PPP1R1C: variants seen among roughly 807,000 people sequenced by gnomAD.
The protein encoded by PPP1R1C is protein phosphatase 1 regulatory inhibitor subunit 1C.
A neutral mutation model predicts 17.4 loss-of-function variants in PPP1R1C; 15 were observed. The observed-to-expected ratio is 0.86, with a 90% confidence interval of 0.58 to 1.33. PPP1R1C has a LOEUF of 1.33. PPP1R1C is among the 40% of genes most tolerant of loss of function. PPP1R1C has a pLI of 0.00. For synonymous variants in PPP1R1C, 35 were observed against 43.1 expected, an observed-to-expected ratio of 0.81 and a Z score of 0.73; for missense variants, 143 against 130.0, an observed-to-expected ratio of 1.10 and a Z score of -0.48.
At chr2:181,965,761 G>T (rs1414089898) in intron 1 of PPP1R1C, among the ~76,000 whole-genome samples, 2 of 152,058 alleles carry the variant, frequency 1.3e-5, no homozygotes, top group Non-Finnish European at 2.9e-5. Flanking sequence ...TGTTCTTTTT[G>T]CTCGGGATAG....
At chr2:181,956,806 T>C (rs1305903439) in intron 1 of PPP1R1C, among the ~76,000 whole-genome samples, 1 of 152,204 alleles carries the variant, frequency 6.6e-6, no homozygotes, top group East Asian at 1.9e-4. Context: ...TTTGCATGTG[T>C]TTAAAAAATG....
At chr2:181,968,061 T>C (rs905792696) in intron 1 of PPP1R1C, among the ~76,000 whole-genome samples, 1 of 152,224 alleles carries the variant, frequency 6.6e-6, no homozygotes, top group African/African-American at 2.4e-5. Context: ...AGAAAATACT[T>C]GATATGATTC....
intron 4 of PPP1R1C, among the ~76,000 whole-genome samples, chr2:182,111,133 T>G (rs75628899): frequency 0.017 from 2,525 of 152,338 alleles, 36 homozygotes; most frequent in South Asian, 0.056. Context: ...AATATTAATA[T>G]GTAATAGTAC....
intron 4 of PPP1R1C, among the ~76,000 whole-genome samples, chr2:182,096,824 T>C (rs1366609222): frequency 6.6e-6 from 1 of 152,194 alleles, no homozygotes; most frequent in Non-Finnish European, 1.5e-5. Context: ...GTCAAAATCA[T>C]GCAAGTTGTT....
chr2:182,115,200 G>A (rs1689547371), intron 4 of PPP1R1C, among the ~76,000 whole-genome samples: 1 of 152,102 alleles, frequency 6.6e-6, no homozygotes, highest in Non-Finnish European at 1.5e-5. Flanking sequence ...TAATATTTCA[G>A]AGGGAACCCC....
chr2:182,019,685 C>G lies in PPP1R1C; in HGVS notation c.142+31786C>G, dbSNP rs188449984. 3.4e-3 allele frequency among the ~76,000 whole-genome samples: 519 copies of G among 152,230 alleles called. 1 individual carries two copies. Among genetic ancestry groups the G allele is most frequent in the South Asian group, 5.4e-3 (26 of 4,826 alleles). ...AAGTAATGAGCCTGATACCATATAACAAATCAGTGGCAGAGCTAGAGTTTG... is the reference window on the plus strand; with the variant it reads ...AAGTAATGAGCCTGATACCATATAAGAAATCAGTGGCAGAGCTAGAGTTTG... On this transcript the variant is annotated intron_variant, in intron 2 of 4. Coordinates refer to ENST00000682840, the MANE Select transcript of PPP1R1C (RefSeq NM_001080545.3).
In PPP1R1C at chr2:182,076,186, TTTTTTCTTTTC is replaced by T. The variant is rs1559082828; in HGVS notation, c.241+12401_241+12411del. ...TATAAATCAAGGATTTTGAACTTTT[TTTTTTCTTTTC>T]TTTTTTTTTTTTTTTTTTTTTTTTT... On this transcript the variant is annotated intron_variant, in intron 4 of 4. Transcript: ENST00000682840. 1.6e-4 allele frequency among the ~76,000 whole-genome samples: 21 copies of T among 127,298 alleles called. 2 individuals are homozygous for T. The highest frequency in any genetic ancestry group is 6.7e-4 in the African/African-American group (20 of 29,672). The allele number at this position is 127,298 out of a possible 152,430, so 83.5% of individuals were successfully genotyped here.
chr2:181,962,279 A>G lies in PPP1R1C; in HGVS notation n.111+7645A>G. 1 of 742,382 alleles carries G rather than the reference A, an allele frequency of 1.3e-6. No individual in the cohort carries two copies. The highest frequency in any genetic ancestry group is 2.4e-6 in the Non-Finnish European group (1 of 421,910). The allele number at this position is 742,382 out of a possible 1,614,324, so 46.0% of individuals were successfully genotyped here. A position where few individuals can be genotyped will look rare whatever the true frequency, so the allele number is the denominator to read the frequency against. ...TCCCATTCCTGCCAGACCCCCGGCCATCCCCGCGGCCAGGTCCCCGGACCC... is the reference window on the plus strand; with the variant it reads ...TCCCATTCCTGCCAGACCCCCGGCCGTCCCCGCGGCCAGGTCCCCGGACCC... On this transcript the variant is annotated intron_variant and non_coding_transcript_variant, in intron 1 of 5. Coordinates refer to the PPP1R1C transcript ENST00000464264. This position sits in a 1 kb window ranked among gnomAD's most constrained non-coding sequence, Gnocchi z 6.0.
At position 181,961,744 on chromosome 2, in the gene PPP1R1C, G is replaced by A. The variant is rs1164659587; in HGVS notation, n.111+7110G>A. ...GGCCCGGATATCTGCTATGATCTTG[G>A]CAAGGTCCTGAGATTTGGGGGCATC... On this transcript the variant is annotated intron_variant and non_coding_transcript_variant, in intron 1 of 5. Coordinates refer to the PPP1R1C transcript ENST00000464264. This position sits in a 1 kb window ranked among gnomAD's most constrained non-coding sequence, Gnocchi z 5.8. The A allele has an allele frequency of 2.5e-5, 26 of 1,048,866 alleles. No individual in the cohort carries two copies. Among genetic ancestry groups the A allele is most frequent in the Non-Finnish European group, 3.7e-5 (25 of 679,318 alleles). 65.0% of individuals were successfully genotyped at this position (1,048,866 alleles called of 1,614,324 possible). A position where few individuals can be genotyped will look rare whatever the true frequency, so the allele number is the denominator to read the frequency against.
intron 1 of PPP1R1C, among the ~76,000 whole-genome samples, chr2:181,956,977 G>A (rs1684680217): frequency 6.6e-6 from 1 of 152,158 alleles, no homozygotes; most frequent in South Asian, 2.1e-4. Flanking sequence ...TGTTCACACT[G>A]TTAAACCTTA....
Position 182,050,501 on chromosome 2 carries a change from C to T in PPP1R1C, c.143-10941C>T, listed in dbSNP as rs1008882264. Among the ~76,000 whole-genome samples the T allele has an allele frequency of 2.6e-5, 4 of 152,316 alleles. No homozygotes were observed. In the South Asian group the frequency reaches 8.3e-4, roughly 32 times the overall value. On this transcript the variant is annotated intron_variant, in intron 2 of 4. Transcript: ENST00000682840. ...CCTCTGCAGCCCACTCTCCACCCTC[C>T]AAGCCTCTGCTTGTGTATTCTGTTC...
Position 181,962,076 on chromosome 2 carries a change from C to A in PPP1R1C, n.111+7442C>A. The A allele has an allele frequency of 1.4e-6, 1 of 722,028 alleles. No homozygotes were observed. The allele number at this position is 722,028 out of a possible 1,614,324, so 44.7% of individuals were successfully genotyped here. A position where few individuals can be genotyped will look rare whatever the true frequency, so the allele number is the denominator to read the frequency against. ...TTTGCGAAGATCTGAACCCTCAGGTCCTCGATGGTCTTGAGGTAATGACTC... is the reference window on the plus strand; with the variant it reads ...TTTGCGAAGATCTGAACCCTCAGGTACTCGATGGTCTTGAGGTAATGACTC... On this transcript the variant is annotated intron_variant and non_coding_transcript_variant, in intron 1 of 5. Transcript: ENST00000464264. The surrounding 1 kb of genome is among the most constrained non-coding windows in gnomAD (Gnocchi z 6.0).
intron 1 of PPP1R1C, among the ~76,000 whole-genome samples, chr2:181,954,968 T>C (rs1684646917): frequency 6.6e-6 from 1 of 152,238 alleles, no homozygotes; most frequent in African/African-American, 2.4e-5. Flanking sequence ...AATTGAGGGC[T>C]GTCTCAGGGA....
At chr2:181,985,053 T>C (rs1361021754), upstream of PPP1R1C, among the ~76,000 whole-genome samples, 2 of 152,226 alleles carry the variant, frequency 1.3e-5, no homozygotes, top group Non-Finnish European at 2.9e-5. The surrounding 1 kb of genome is among the most constrained non-coding windows in gnomAD (Gnocchi z 4.1). Flanking sequence ...TTTCTACTGT[T>C]GACAACAAGC....
intron 5 of PPP1R1C, among the ~76,000 whole-genome samples, chr2:182,124,968 C>T (rs1689839570): frequency 6.6e-6 from 1 of 151,434 alleles, no homozygotes; most frequent in Non-Finnish European, 1.5e-5. Flanking sequence ...CCTTGTCTTG[C>T]ATAAGACAAA....
At position 182,006,789 on chromosome 2, in the gene PPP1R1C, C is replaced by T. The variant is rs570645426; in HGVS notation, c.142+18890C>T. ...GAGTTATTACAAAACAGCAAGAATC[C>T]TAAAGTCTTGAGCAATTATCAAAGT... On this transcript the variant is annotated intron_variant, in intron 2 of 4. Transcript: ENST00000682840. Among the ~76,000 whole-genome samples the T allele has an allele frequency of 1.5e-4, 23 of 152,228 alleles. No individual in the cohort carries two copies. In the East Asian group the frequency reaches 3.9e-3, roughly 26 times the overall value.
At chr2:182,059,958 T>C (rs1291839451) in intron 2 of PPP1R1C, among the ~76,000 whole-genome samples, 3 of 152,140 alleles carry the variant, frequency 2.0e-5, no homozygotes, top group Non-Finnish European at 4.4e-5. Flanking sequence ...CACTGGCATT[T>C]AATCATCCAA....
intron 2 of PPP1R1C, among the ~76,000 whole-genome samples, chr2:182,004,961 G>T (rs922472954): frequency 1.3e-5 from 2 of 152,048 alleles, no homozygotes; most frequent in African/African-American, 4.8e-5. Flanking sequence ...ATTCAGAATG[G>T]AACCCATTAC....
intron 2 of PPP1R1C, among the ~76,000 whole-genome samples, chr2:182,009,821 A>G (rs1002970257): frequency 2.6e-5 from 4 of 152,086 alleles, no homozygotes; most frequent in African/African-American, 9.7e-5. Context: ...ATAGGGGTCT[A>G]GTTTTATTCT....
Sources: gnomAD v4.1 joint callset for allele counts (sites outside exome capture counted in the v4.1 genomes callset) on GRCh38, gnomAD v4.1.1 for gene constraint, Gnocchi (gnomAD v3.1) non-coding constraint, MANE v1.5 for transcripts, NCBI Gene and HGNC (gene_info 2026-07-23, HGNC 2026-07-21) for gene names.